SLC10A7: variants seen among roughly 807,000 people sequenced by gnomAD.
The protein encoded by SLC10A7 is sodium/bile acid cotransporter 7.
In SLC10A7, 29 loss-of-function variants were observed where a neutral mutation model predicts 43.2. The ratio of observed to expected loss-of-function variants is 0.67; its 90% CI spans 0.50 to 0.92. The LOEUF (loss-of-function observed/expected upper bound fraction) is 0.92, where lower values mean the gene tolerates loss of function less well. Among genes scored for constraint, SLC10A7 ranks in the 40% least tolerant of loss-of-function variants. The pLI, the probability that SLC10A7 is intolerant of heterozygous loss-of-function variation, is 0.00. For synonymous variants in SLC10A7, 152 were observed against 144.8 expected (o/e 1.05, Z -0.35); for missense variants, 295 against 403.2 (o/e 0.73, Z 2.30).
intron 7 of SLC10A7, among the ~76,000 whole-genome samples, chr4:146,305,594 TAA>T (rs201374314): frequency 6.8e-6 from 1 of 146,336 alleles, no homozygotes; most frequent in East Asian, 2.0e-4. Context: ...AAAAAAAACT[TAA>T]AAAAAAAAGA....
Position 146,303,898 on chromosome 4 carries a change from C to T in SLC10A7, c.555+2028G>A, listed in dbSNP as rs144300421. 3.9e-3 allele frequency among the ~76,000 whole-genome samples: 594 copies of T among 151,734 alleles called. 2 individuals carry two copies. The highest frequency in any genetic ancestry group is 0.013 in the African/African-American group (544 of 41,314). On this transcript the variant is annotated intron_variant, in intron 7 of 11. Coordinates refer to ENST00000335472, the MANE Select transcript of SLC10A7 (RefSeq NM_001029998.6). The stretch of plus-strand genomic sequence containing the variant: ...TCATAATATTTAATAAATTATGAAC[C>T]TAGAGCTAGGGAGATTAAATAACTT...
intron 1 of SLC10A7, among the ~76,000 whole-genome samples, chr4:146,517,346 C>T (rs1560989404): frequency 6.6e-6 from 1 of 151,974 alleles, no homozygotes; most frequent in Non-Finnish European, 1.5e-5. Flanking sequence ...GCCTGTAGTT[C>T]CCAGCTCCTT....
chr4:146,322,028 A>G (rs1430726888), intron 6 of SLC10A7, among the ~76,000 whole-genome samples: 1 of 152,140 alleles, frequency 6.6e-6, no homozygotes, highest in Admixed American at 6.6e-5. Flanking sequence ...TTAAACTTTT[A>G]CATTGAGGGT....
At position 146,429,555 on chromosome 4, in the gene SLC10A7, T is replaced by C. The variant is rs529901814; in HGVS notation, c.435+13228A>G. Among the ~76,000 whole-genome samples the C allele has an allele frequency of 3.0e-4, 46 of 152,268 alleles. 1 individual carries two copies. The highest frequency in any genetic ancestry group is 1.2e-3 in the Admixed American group (18 of 15,292). On this transcript the variant is annotated intron_variant, in intron 5 of 11. Transcript: ENST00000335472. The stretch of plus-strand genomic sequence containing the variant: ...TTAATGTAATAAATGACAAATTATA[T>C]ACTATGTTGGAAGACATTATTTTAT...
chr4:146,319,003 G>C (rs1732511556), intron 6 of SLC10A7, among the ~76,000 whole-genome samples: 1 of 152,002 alleles, frequency 6.6e-6, no homozygotes, highest in South Asian at 2.1e-4. Context: ...TGGTCTTCCT[G>C]CCTCCACCAT....
intron 10 of SLC10A7, among the ~76,000 whole-genome samples, chr4:146,276,848 G>A (rs1729236366): frequency 6.6e-6 from 1 of 152,108 alleles, no homozygotes; most frequent in Non-Finnish European, 1.5e-5. Context: ...CAGCTACTCA[G>A]GAGACTGAGG....
chr4:146,308,227 G>A (rs1265130139), intron 6 of SLC10A7, among the ~76,000 whole-genome samples: 4 of 152,124 alleles, frequency 2.6e-5, no homozygotes, highest in South Asian at 2.1e-4. Context: ...TGCTGGGGAC[G>A]AAATCCCCCA....
intron 4 of SLC10A7, among the ~76,000 whole-genome samples, chr4:146,498,993 C>T (rs4835315): frequency 0.8 from 121,207 of 152,148 alleles, 48,706 homozygotes; most frequent in East Asian, 0.95. Flanking sequence ...AAAATGAAAA[C>T]AATCATTTCA....
chr4:146,480,982 A>G (rs1229352453), intron 4 of SLC10A7, among the ~76,000 whole-genome samples: 1 of 152,176 alleles, frequency 6.6e-6, no homozygotes, highest in Non-Finnish European at 1.5e-5. Flanking sequence ...AGAGAAGGGA[A>G]GGAAACCTCA....
chr4:146,436,674 C>T (rs918346337), intron 5 of SLC10A7, among the ~76,000 whole-genome samples: 10 of 152,054 alleles, frequency 6.6e-5, no homozygotes, highest in Non-Finnish European at 1.5e-4. Flanking sequence ...AACTTACTGT[C>T]TTTTCAACTC....
At chr4:146,294,914 A>G (rs1308545168) in intron 7 of SLC10A7, among the ~76,000 whole-genome samples, 4 of 152,184 alleles carry the variant, frequency 2.6e-5, no homozygotes, top group African/African-American at 9.7e-5. Context: ...AAGAAGCTGT[A>G]CAAGTCCCAT....
intron 5 of SLC10A7, chr4:146,442,001 C>G: frequency 1.0e-6 from 1 of 979,358 alleles, no homozygotes; most frequent in Non-Finnish European, 1.2e-6. Flanking sequence ...AATCACTGCA[C>G]TACATATCTG....
chr4:146,350,402 T>A (rs778069371), intron 5 of SLC10A7, among the ~76,000 whole-genome samples: 68,362 of 141,246 alleles, frequency 0.48, 17,209 homozygotes, highest in East Asian at 0.63. Context: ...ATCTCGCTGA[T>A]TGCTAGCACA....
intron 5 of SLC10A7, among the ~76,000 whole-genome samples, chr4:146,352,247 T>A (rs1389722241): frequency 1.0e-5 from 1 of 95,876 alleles, no homozygotes. Flanking sequence ...TAGTCTCTGA[T>A]AAAACAGACT....
chr4:146,299,813 A>T (rs1731039499), intron 7 of SLC10A7, among the ~76,000 whole-genome samples: 1 of 152,180 alleles, frequency 6.6e-6, no homozygotes, highest in Admixed American at 6.5e-5. Flanking sequence ...TCAACACAAG[A>T]TGAGACCAAT....
intron 7 of SLC10A7, among the ~76,000 whole-genome samples, chr4:146,303,984 G>C (rs949821611): frequency 6.6e-5 from 10 of 151,224 alleles, no homozygotes; most frequent in Admixed American, 2.0e-4. Flanking sequence ...TGCTCTTAAT[G>C]TACTGCTTTC....
chr4:146,321,211 G>T (rs1005579586), intron 6 of SLC10A7, among the ~76,000 whole-genome samples: 1 of 152,050 alleles, frequency 6.6e-6, no homozygotes, highest in African/African-American at 2.4e-5. Flanking sequence ...CTCTAAATCC[G>T]AAATCAAGCA....
At chr4:146,488,539 T>C (rs963212523) in intron 4 of SLC10A7, among the ~76,000 whole-genome samples, 1 of 152,116 alleles carries the variant, frequency 6.6e-6, no homozygotes, top group Non-Finnish European at 1.5e-5. Context: ...TACTAAGATT[T>C]CTGTTTTTGT....
intron 4 of SLC10A7, among the ~76,000 whole-genome samples, chr4:146,446,746 AT>A (rs1417422898): frequency 1.8e-4 from 19 of 106,904 alleles, no homozygotes; most frequent in African/African-American, 6.0e-4. Context: ...AGGTTTATCT[AT>A]CTATCTATCT....
Sources: allele counts gnomAD v4.1 joint callset (sites outside exome capture counted in the v4.1 genomes callset), GRCh38; gene constraint gnomAD v4.1.1; transcripts MANE v1.5; gene names NCBI Gene and HGNC (gene_info 2026-07-23, HGNC 2026-07-21).